Variants in NCALD observed in about 807,000 individuals in gnomAD.
NCALD encodes the protein neurocalcin-delta.
Under a neutral mutation model 18.6 loss-of-function variants are expected in NCALD, and 10 were observed. The ratio of observed to expected loss-of-function variants is 0.54; its 90% CI spans 0.33 to 0.91. The LOEUF is 0.91. Among genes scored for constraint, NCALD ranks in the 40% least tolerant of loss-of-function variants. The pLI is 0.03. For missense variants in NCALD, 184 were observed against 247.6 expected, an observed-to-expected ratio of 0.74 and a Z score of 1.72; for synonymous variants, 88 against 87.4, an observed-to-expected ratio of 1.01 and a Z score of -0.04.
intron 4 of NCALD, among the ~76,000 whole-genome samples, chr8:101,873,168 C>T (rs180676278): frequency 6.6e-6 from 1 of 152,310 alleles, no homozygotes; most frequent in Non-Finnish European, 1.5e-5. Context: ...TCCAGCAGCC[C>T]TTGGCCTCTT....
At chr8:101,691,370 G>A in intron 3 of NCALD, 1 of 985,310 alleles carries the variant, frequency 1.0e-6, no homozygotes, top group Non-Finnish European at 1.2e-6. Flanking sequence ...ACTCAGTCAG[G>A]GCTCTGCAAT....
chr8:101,893,821 A>T (rs1379175938), intron 3 of NCALD, among the ~76,000 whole-genome samples: 1 of 144,206 alleles, frequency 6.9e-6, no homozygotes, highest in Non-Finnish European at 1.5e-5. Context: ...TAACTATCCT[A>T]AATATATATG....
chr8:101,946,242 C>T (rs1024464934), intron 2 of NCALD, among the ~76,000 whole-genome samples: 1 of 152,014 alleles, frequency 6.6e-6, no homozygotes, highest in Non-Finnish European at 1.5e-5. Context: ...TTTAAATATT[C>T]AAGAAATGAT....
At chr8:101,939,874 AAT>A (rs937271160) in intron 2 of NCALD, among the ~76,000 whole-genome samples, 8 of 152,220 alleles carry the variant, frequency 5.3e-5, no homozygotes, top group Non-Finnish European at 1.2e-4. Flanking sequence ...GAAGTTAAAT[AAT>A]AGTCTTAAGA....
chr8:102,040,432 C>A (rs982050211), intron 1 of NCALD, among the ~76,000 whole-genome samples: 2 of 151,004 alleles, frequency 1.3e-5, no homozygotes, highest in Admixed American at 1.3e-4. Flanking sequence ...CAAGATTGCT[C>A]CATGGCACTC....
intron 4 of NCALD, among the ~76,000 whole-genome samples, chr8:101,878,414 CCT>C (rs1214659195): frequency 6.6e-6 from 1 of 152,172 alleles, no homozygotes; most frequent in Non-Finnish European, 1.5e-5. Flanking sequence ...AATGTTTCTC[CCT>C]GAGCTGCATA....
intron 4 of NCALD, among the ~76,000 whole-genome samples, chr8:101,878,307 G>A (rs572305132): frequency 2.2e-4 from 33 of 152,302 alleles, no homozygotes; most frequent in African/African-American, 7.7e-4. Flanking sequence ...TTTGAAAAAT[G>A]TTACTCTGTC....
At chr8:101,727,375 T>C (rs1425459817) in intron 1 of NCALD, among the ~76,000 whole-genome samples, 4 of 152,186 alleles carry the variant, frequency 2.6e-5, no homozygotes, top group Non-Finnish European at 5.9e-5. Context: ...CTCACTGAAA[T>C]CTTACTTTTC....
At chr8:101,988,788 G>A (rs917591320) in intron 2 of NCALD, among the ~76,000 whole-genome samples, 2 of 150,888 alleles carry the variant, frequency 1.3e-5, no homozygotes, top group Non-Finnish European at 2.9e-5. Context: ...TCCCCTAGAG[G>A]ACATTTAGAC....
At chr8:101,690,594 C>G (rs1366612038) in intron 3 of NCALD, 4 of 985,322 alleles carry the variant, frequency 4.1e-6, no homozygotes, top group Non-Finnish European at 4.8e-6. Flanking sequence ...GAAACACCAA[C>G]AAACATATCT....
intron 1 of NCALD, among the ~76,000 whole-genome samples, chr8:102,027,557 C>T (rs1822505223): frequency 6.6e-6 from 1 of 152,274 alleles, no homozygotes; most frequent in Non-Finnish European, 1.5e-5. Flanking sequence ...TTCAAACTTC[C>T]ATATCTTCCT....
intron 4 of NCALD, among the ~76,000 whole-genome samples, chr8:101,845,050 A>C (rs1022226948): frequency 8.5e-5 from 13 of 152,218 alleles, no homozygotes; most frequent in African/African-American, 3.1e-4. Context: ...AAGGATGCTT[A>C]AAGTGGCAGC....
chr8:101,839,633 T>C (rs1814559048), intron 4 of NCALD, among the ~76,000 whole-genome samples: 2 of 152,306 alleles, frequency 1.3e-5, no homozygotes, highest in Middle Eastern at 3.4e-3. Context: ...CCTGGCCTTC[T>C]ATATTGCTAC....
chr8:102,063,248 C>A (rs1823903377), intron 1 of NCALD, among the ~76,000 whole-genome samples: 1 of 152,182 alleles, frequency 6.6e-6, no homozygotes, highest in Non-Finnish European at 1.5e-5. Context: ...CATGCCTGAG[C>A]TGCCACGTGC....
At chr8:101,897,515 A>AT (rs1302962719) in intron 3 of NCALD, among the ~76,000 whole-genome samples, 6 of 149,802 alleles carry the variant, frequency 4.0e-5, no homozygotes, top group Non-Finnish European at 7.4e-5. Flanking sequence ...TTAAAGTATA[A>AT]TAAAAAAAAA....
intron 3 of NCALD, among the ~76,000 whole-genome samples, chr8:101,894,785 C>A (rs1370534236): frequency 6.6e-6 from 1 of 150,802 alleles, no homozygotes; most frequent in Non-Finnish European, 1.5e-5. Context: ...AATTCCTCAA[C>A]ACATACACTC....
At chr8:101,773,238 C>T (rs187223210) in intron 1 of NCALD, among the ~76,000 whole-genome samples, 5 of 152,208 alleles carry the variant, frequency 3.3e-5, no homozygotes, top group Admixed American at 3.3e-4. Flanking sequence ...CACTCTTGTC[C>T]AGTCATGATC....
At chr8:101,707,968 T>C (rs1253788664) in intron 2 of NCALD, among the ~76,000 whole-genome samples, 4 of 152,162 alleles carry the variant, frequency 2.6e-5, no homozygotes, top group Non-Finnish European at 5.9e-5. Flanking sequence ...TTATTCTAAG[T>C]AGTAAAAGTG....
intron 2 of NCALD, among the ~76,000 whole-genome samples, chr8:101,989,192 G>A (rs541330143): frequency 2.6e-5 from 4 of 152,300 alleles, no homozygotes; most frequent in South Asian, 4.1e-4. Context: ...GAAGTATACA[G>A]TTTCAGATTT....
Sources: allele counts gnomAD v4.1 joint callset (sites outside exome capture counted in the v4.1 genomes callset), GRCh38; gene constraint gnomAD v4.1.1; transcripts MANE v1.5; gene names NCBI Gene and HGNC (gene_info 2026-07-23, HGNC 2026-07-21).